The following CDKL2 variants were observed in gnomAD, a reference collection of about 807,000 sequenced individuals.
The protein encoded by CDKL2 is cyclin dependent kinase like 2.
In CDKL2, 64 loss-of-function variants were observed where a neutral mutation model predicts 63.9. The observed-to-expected ratio is 1.00, with a 90% confidence interval of 0.82 to 1.23. The LOEUF (loss-of-function observed/expected upper bound fraction) is 1.23. Among genes scored for constraint, CDKL2 ranks in the 50% most tolerant of loss-of-function variants. The probability of loss-of-function intolerance (pLI) is 0.00; values close to 1 mark genes in which losing one functional copy is unlikely to be tolerated. For synonymous variants in CDKL2, 211 were observed against 229.2 expected, an observed-to-expected ratio of 0.92 and a Z score of 0.72; for missense variants, 656 against 668.0, an observed-to-expected ratio of 0.98 and a Z score of 0.20.
At chr4:75,597,354 C>T in intron 8 of CDKL2, 118 bp from the exon 9 acceptor site, 1 of 661,496 alleles carries the variant, frequency 1.5e-6, no homozygotes, top group Non-Finnish European at 2.5e-6. Context: ...CTTTTTGAAA[C>T]TGTTTTCTTT....
intron 6 of CDKL2, 105 bp downstream of exon 6, chr4:75,603,712 C>CAAA (rs35686740): frequency 4.0e-4 from 141 of 350,834 alleles, no homozygotes; most frequent in South Asian, 8.4e-4. Context: ...AAGACTCCAT[C>CAAA]AAAAAAAAAA....
chr4:75,576,996 A>C lies in CDKL2; in HGVS notation c.*2206T>G, dbSNP rs1317339402. 6.6e-6 allele frequency among the ~76,000 whole-genome samples: 1 copy of C among 152,110 alleles called. No individual in the cohort carries two copies. The highest frequency in any genetic ancestry group is 1.5e-5 in the Non-Finnish European group (1 of 67,996). On this transcript the variant is annotated 3_prime_UTR_variant, in exon 14 of 14. Coordinates refer to ENST00000307465, the MANE Select transcript of CDKL2 (RefSeq NM_001330724.2). Reference sequence around the variant, plus strand: ...ATTAGCTTGCCATCCCTACATCCAAAGTTTTCCAGAAGAATTAACAGATTT... The same window carrying C: ...ATTAGCTTGCCATCCCTACATCCAACGTTTTCCAGAAGAATTAACAGATTT...
intron 13 of CDKL2, among the ~76,000 whole-genome samples, chr4:75,581,483 T>C (rs1455191032): frequency 6.6e-6 from 1 of 152,238 alleles, no homozygotes. Context: ...TCAATCTTGC[T>C]TTACAGGCCC....
At chr4:75,603,760 A>G (rs201070552) in intron 6 of CDKL2, 57 bp downstream of exon 6, 9 of 960,148 alleles carry the variant, frequency 9.4e-6, no homozygotes, top group Non-Finnish European at 8.9e-6. Flanking sequence ...AAAAAAAAAA[A>G]GGTCTTGATA....
Position 75,591,930 on chromosome 4 carries a change from AT to A in CDKL2, c.1541-6del. Reference sequence around the variant, plus strand: ...TTGTTAGCCTGGAATTTCGAGCTAGATAGAAATGACCATAAACACAGTGAAA... The same window carrying A: ...TTGTTAGCCTGGAATTTCGAGCTAGAAGAAATGACCATAAACACAGTGAAA... On this transcript the variant is annotated splice_polypyrimidine_tract_variant and splice_region_variant and intron_variant, in intron 11 of 13. Coordinates refer to ENST00000307465, the MANE Select transcript of CDKL2 (RefSeq NM_001330724.2). 6.5e-7 allele frequency: 1 copy of A among 1,529,870 alleles called. No individual in the cohort carries two copies. Among genetic ancestry groups the A allele is most frequent in the Non-Finnish European group, 8.8e-7 (1 of 1,141,370 alleles). The allele number at this position is 1,529,870 out of a possible 1,614,324, so 94.8% of individuals were successfully genotyped here. A position where few individuals can be genotyped will look rare whatever the true frequency, so the allele number is the denominator to read the frequency against.
chr4:75,586,337 T>C (rs1469104796), intron 12 of CDKL2, among the ~76,000 whole-genome samples: 1 of 151,980 alleles, frequency 6.6e-6, no homozygotes, highest in African/African-American at 2.4e-5. Flanking sequence ...ATCAATCTCC[T>C]GCCTCAGCCT....
chr4:75,624,568 C>T (rs1397813010), intron 2 of CDKL2, among the ~76,000 whole-genome samples: 2 of 150,110 alleles, frequency 1.3e-5, no homozygotes, highest in African/African-American at 2.5e-5. Context: ...CAAAATGAAA[C>T]GACCGGGTGT....
intron 4 of CDKL2, 56 bp downstream of exon 4, chr4:75,607,127 C>T (rs919510389): frequency 3.6e-6 from 5 of 1,370,868 alleles, no homozygotes; most frequent in African/African-American, 2.9e-5. Flanking sequence ...AAACATATTC[C>T]ACTATAGCAA....
At chr4:75,600,821 C>T (rs186931484) in intron 6 of CDKL2, among the ~76,000 whole-genome samples, 1 of 152,222 alleles carries the variant, frequency 6.6e-6, no homozygotes, top group Admixed American at 6.5e-5. Context: ...TAGACAATGA[C>T]CGTCAGTGGT....
At chr4:75,618,022 A>G (rs1578349343) in intron 2 of CDKL2, among the ~76,000 whole-genome samples, 1 of 142,744 alleles carries the variant, frequency 7.0e-6, no homozygotes, top group African/African-American at 2.6e-5. Context: ...AATCGCTTGA[A>G]CCCAGGAGGC....
chr4:75,601,288 C>T (rs1247168715), intron 6 of CDKL2, among the ~76,000 whole-genome samples: 1 of 152,018 alleles, frequency 6.6e-6, no homozygotes, highest in Non-Finnish European at 1.5e-5. Flanking sequence ...AAGGATTTAT[C>T]CTGTGCTTAT....
chr4:75,598,578 T>C (rs1255321770), intron 7 of CDKL2, among the ~76,000 whole-genome samples: 1 of 141,046 alleles, frequency 7.1e-6, no homozygotes, highest in African/African-American at 2.8e-5. Flanking sequence ...ACATTCTCAG[T>C]TGCTTTTTTT....
chr4:75,593,929 G>T (rs1197965851), intron 10 of CDKL2, among the ~76,000 whole-genome samples: 1 of 151,952 alleles, frequency 6.6e-6, no homozygotes, highest in Non-Finnish European at 1.5e-5. Context: ...ACCTCCCTTT[G>T]TTGTGAAAAG....
chr4:75,598,078 T>C lies in CDKL2; in HGVS notation c.1019A>G (p.Gln340Arg), dbSNP rs1008947362. ...AAAATGTGAAACATGAACATTTACC[T>C]GTACCACAAGTGTTTTTCTTTCTTC... ...LVEERKTLVV[Q>R]DTNADPKIKD... Residue 340 changes from glutamine to arginine, a missense_variant and splice_region_variant, in exon 8 of 14, where the codon CAG becomes CGG. By Grantham distance (43) the Gln-to-Arg change is conservative. Coordinates refer to ENST00000307465, the MANE Select transcript of CDKL2 (RefSeq NM_001330724.2). 2.0e-6 allele frequency: 3 copies of C among 1,496,056 alleles called. No homozygotes were observed. The African/African-American group carries it at 4.3e-5, about 21-fold the overall frequency. 92.7% of individuals were successfully genotyped at this position (1,496,056 alleles called of 1,614,324 possible).
chr4:75,581,670 G>C (rs1416503356), intron 13 of CDKL2, 140 bp downstream of exon 13: 2 of 548,452 alleles, frequency 3.6e-6, no homozygotes, highest in African/African-American at 3.8e-5. Context: ...TTTTCTAAGT[G>C]GCACAACTCT....
intron 13 of CDKL2, among the ~76,000 whole-genome samples, chr4:75,580,706 T>TC (rs1389546335): frequency 6.7e-6 from 1 of 149,100 alleles, no homozygotes; most frequent in African/African-American, 2.4e-5. Context: ...TTTTTTTTTT[T>TC]TTCTTTTTTT....
intron 9 of CDKL2, 76 bp from the exon 10 acceptor site, chr4:75,596,416 C>G (rs1207146800): frequency 1.2e-6 from 1 of 825,730 alleles, no homozygotes; most frequent in Non-Finnish European, 2.1e-6. Context: ...CTAAATGACA[C>G]AGCACCAACT....
At chr4:75,618,446 G>T (rs887469688) in intron 2 of CDKL2, among the ~76,000 whole-genome samples, 6 of 151,586 alleles carry the variant, frequency 4.0e-5, no homozygotes, top group Non-Finnish European at 7.4e-5. Flanking sequence ...TAGAGACGGG[G>T]TTTCTCCGTG....
intron 12 of CDKL2, among the ~76,000 whole-genome samples, chr4:75,589,381 T>C (rs1355449964): frequency 7.1e-6 from 1 of 141,720 alleles, no homozygotes; most frequent in African/African-American, 2.6e-5. Flanking sequence ...CTCGGCTCAC[T>C]GCAAGCTCCG....
Sources: gnomAD v4.1 joint callset for allele counts (sites outside exome capture counted in the v4.1 genomes callset) on GRCh38, gnomAD v4.1.1 for gene constraint, MANE v1.5 for transcripts, NCBI Gene and HGNC (gene_info 2026-07-23, HGNC 2026-07-21) for gene names.